CAST: variants seen among roughly 807,000 people sequenced by gnomAD.
The protein encoded by CAST is calpastatin.
In CAST, 76 loss-of-function variants were observed where a neutral mutation model predicts 119.6. The observed-to-expected ratio is 0.64, with a 90% confidence interval of 0.53 to 0.77. CAST has a LOEUF of 0.77. Among genes scored for constraint, CAST ranks in the 30% least tolerant of loss-of-function variants. CAST has a pLI of 0.00. For synonymous variants in CAST, 319 were observed against 331.6 expected, an observed-to-expected ratio of 0.96 and a Z score of 0.41; for missense variants, 953 against 946.5, an observed-to-expected ratio of 1.01 and a Z score of -0.09.
chr5:96,251,859 A>G, the CAST span, among the ~76,000 whole-genome samples: 2 of 152,200 alleles, frequency 1.3e-5, no homozygotes, highest in African/African-American at 4.8e-5. Flanking sequence ...TGGTCTCAGC[A>G]CTAAGAATGC....
At chr5:96,470,135 T>A in the CAST span, among the ~76,000 whole-genome samples, 1 of 151,160 alleles carries the variant, frequency 6.6e-6, no homozygotes, top group East Asian at 1.9e-4. Flanking sequence ...ACTTCCCAGA[T>A]GAAAAATTAA....
the CAST span, among the ~76,000 whole-genome samples, chr5:96,410,366 C>T: frequency 6.6e-6 from 1 of 151,536 alleles, no homozygotes; most frequent in Non-Finnish European, 1.5e-5. Flanking sequence ...TTATCATCTG[C>T]GACAGGGCAG....
the CAST span, among the ~76,000 whole-genome samples, chr5:96,190,070 G>A: frequency 2.0e-5 from 3 of 152,106 alleles, no homozygotes; most frequent in Non-Finnish European, 4.4e-5. Context: ...TGCTTGATAG[G>A]TAGTTTCTTT....
chr5:96,273,397 G>A, the CAST span, among the ~76,000 whole-genome samples: 7 of 152,158 alleles, frequency 4.6e-5, no homozygotes, highest in African/African-American at 1.7e-4. Flanking sequence ...AGAATATCTA[G>A]AGAATAGCAG....
chr5:96,082,375 C>T, the CAST span, among the ~76,000 whole-genome samples: 1 of 152,176 alleles, frequency 6.6e-6, no homozygotes, highest in African/African-American at 2.4e-5. Flanking sequence ...ATAATTATCT[C>T]CATTTTGCAG....
chr5:96,564,101 T>C (rs1388325534), intron 1 of CAST, among the ~76,000 whole-genome samples: 1 of 152,234 alleles, frequency 6.6e-6, no homozygotes, highest in Non-Finnish European at 1.5e-5. Context: ...CGCTGCATAA[T>C]GGCTTTTGCC....
At chr5:96,654,616 GC>G (rs1299114600) in intron 1 of CAST, among the ~76,000 whole-genome samples, 1 of 152,120 alleles carries the variant, frequency 6.6e-6, no homozygotes, top group Non-Finnish European at 1.5e-5. Context: ...CACAGCATAA[GC>G]TTTTACTTGA....
At chr5:96,075,409 A>G in the CAST span, among the ~76,000 whole-genome samples, 1 of 152,188 alleles carries the variant, frequency 6.6e-6, no homozygotes, top group Non-Finnish European at 1.5e-5. Flanking sequence ...TATCCTAGTT[A>G]TCACCCCTCT....
the CAST span, among the ~76,000 whole-genome samples, chr5:96,264,039 C>T: frequency 1.3e-5 from 2 of 152,186 alleles, no homozygotes; most frequent in African/African-American, 4.8e-5. Context: ...AACACAGAGC[C>T]AAACCATATC....
At chr5:96,462,167 A>G in the CAST span, among the ~76,000 whole-genome samples, 1 of 152,038 alleles carries the variant, frequency 6.6e-6, no homozygotes, top group South Asian at 2.1e-4. Flanking sequence ...TCATTTACTT[A>G]CCCTAACAGT....
At chr5:96,106,482 C>T in the CAST span, among the ~76,000 whole-genome samples, 2 of 151,774 alleles carry the variant, frequency 1.3e-5, no homozygotes, top group African/African-American at 2.4e-5. Flanking sequence ...CATTATGTAC[C>T]CAGTAGTCAT....
intron 22 of CAST, among the ~76,000 whole-genome samples, chr5:96,756,698 T>C (rs1766392957): frequency 6.6e-6 from 1 of 152,240 alleles, no homozygotes; most frequent in African/African-American, 2.4e-5. Context: ...AAAACCAACC[T>C]TAACCAGTTT....
intron 1 of CAST, chr5:96,585,166 T>A (rs1345385657): frequency 6.6e-6 from 1 of 152,230 alleles, no homozygotes; most frequent in Non-Finnish European, 1.5e-5. Context: ...ACTCCTAGAC[T>A]CCATTATATC....
chr5:96,086,807 T>C, the CAST span, among the ~76,000 whole-genome samples: 1 of 152,222 alleles, frequency 6.6e-6, no homozygotes, highest in African/African-American at 2.4e-5. Context: ...TGGTTAGCCC[T>C]ACCCTTCTAA....
intron 1 of CAST, among the ~76,000 whole-genome samples, chr5:96,614,778 T>G (rs554857274): frequency 2.6e-4 from 40 of 152,282 alleles, no homozygotes; most frequent in Middle Eastern, 6.8e-3. Context: ...TATAGTTGAA[T>G]TATGAAAAGG....
chr5:96,081,245 C>T, the CAST span, among the ~76,000 whole-genome samples: 1 of 152,146 alleles, frequency 6.6e-6, no homozygotes, highest in Non-Finnish European at 1.5e-5. Context: ...CAGAGTTTGC[C>T]AAGAGGTATG....
chr5:96,174,144 C>G, the CAST span, among the ~76,000 whole-genome samples: 1 of 152,072 alleles, frequency 6.6e-6, no homozygotes, highest in African/African-American at 2.4e-5. Context: ...GAGGAAGGTC[C>G]TCCTATCAAG....
the CAST span, among the ~76,000 whole-genome samples, chr5:96,034,926 G>A: frequency 6.6e-6 from 1 of 150,892 alleles, no homozygotes; most frequent in Admixed American, 6.6e-5. Context: ...CATCCATGTT[G>A]TCACAAATGA....
At chr5:96,615,567 G>A (rs1747436120) in intron 1 of CAST, among the ~76,000 whole-genome samples, 1 of 152,212 alleles carries the variant, frequency 6.6e-6, no homozygotes, top group Non-Finnish European at 1.5e-5. Flanking sequence ...CACATTGAGG[G>A]AGAATTCAAC....
Sources: allele counts gnomAD v4.1 joint callset (sites outside exome capture counted in the v4.1 genomes callset), GRCh38; gene constraint gnomAD v4.1.1; transcripts MANE v1.5; gene names NCBI Gene and HGNC (gene_info 2026-07-23, HGNC 2026-07-21).